The following HERC2 variants were observed in gnomAD, a reference collection of about 807,000 sequenced individuals.
The protein encoded by HERC2 is E3 ubiquitin-protein ligase HERC2.
Under a neutral mutation model 537.7 loss-of-function variants are expected in HERC2, and 102 were observed. That is an observed-to-expected ratio of 0.19 (90% confidence interval 0.16 to 0.22). The LOEUF (loss-of-function observed/expected upper bound fraction) is 0.22. Ranked by LOEUF, HERC2 falls within the 10% of genes least tolerant of loss-of-function variation. The pLI, the probability that HERC2 is intolerant of heterozygous loss-of-function variation, is 1.00. For synonymous variants in HERC2, 2,224 were observed against 2,466.2 expected, an observed-to-expected ratio of 0.90 and a Z score of 2.91; for missense variants, 4,236 against 6,198.2, an observed-to-expected ratio of 0.68 and a Z score of 10.63.
In HERC2 at chr15:28,115,519, G is replaced by A; in HGVS notation, c.13632C>T (p.Ile4544=). ...TGAGGCTCAGGGGACTCCCGGTTCG[G>A]ATGGCAATGCCCAGCAACACACCTG... ...RFLGVLLGIA[I]RTGSPLSLNL... is the part of the protein sequence containing the mutation. Residue 4544 remains isoleucine (I), a synonymous_variant, in exon 89 of 93, where the codon ATC becomes ATT. Coordinates refer to ENST00000261609, the MANE Select transcript of HERC2 (RefSeq NM_004667.6). 6.2e-6 allele frequency: 10 copies of A among 1,613,982 alleles called. No individual in the cohort carries two copies. Among genetic ancestry groups the A allele is most frequent in the Non-Finnish European group, 8.5e-6 (10 of 1,179,926 alleles).
chr15:28,187,745 T>C (rs1896449664), intron 55 of HERC2, among the ~76,000 whole-genome samples: 1 of 152,260 alleles, frequency 6.6e-6, no homozygotes, highest in Admixed American at 6.5e-5. Flanking sequence ...GATTATGTCA[T>C]GTCATTTTAT....
In HERC2 at chr15:28,111,384, C is replaced by T. The variant is rs1402783389; in HGVS notation, c.*379G>A. ...TATTTCCAATATACAATCAAGACGACTCACGACACTTGAAAGAAAGGAGAA... is the reference window on the plus strand; with the variant it reads ...TATTTCCAATATACAATCAAGACGATTCACGACACTTGAAAGAAAGGAGAA... On this transcript the variant is annotated 3_prime_UTR_variant, in exon 93 of 93. Coordinates refer to ENST00000261609, the MANE Select transcript of HERC2 (RefSeq NM_004667.6). 1 of 224,602 alleles carries T rather than the reference C, an allele frequency of 4.5e-6. No individual in the cohort carries two copies. Among genetic ancestry groups the T allele is most frequent in the South Asian group, 1.5e-4 (1 of 6,452 alleles). The allele number at this position is 224,602 out of a possible 1,614,324, so 13.9% of individuals were successfully genotyped here.
intron 2 of HERC2, among the ~76,000 whole-genome samples, chr15:28,316,628 T>C (rs2141313782): frequency 6.6e-6 from 1 of 152,330 alleles, no homozygotes; most frequent in East Asian, 1.9e-4. Flanking sequence ...AAAACCACCC[T>C]TAGAATCCAG....
Position 28,245,317 on chromosome 15 carries a change from C to T in HERC2, c.3577+564G>A, listed in dbSNP as rs1403678977. ...ATCCCAGCGCTTTGGGAGGCAGAGG[C>T]GGGTGGATCACTTGAGGTCAGGAGT... On this transcript the variant is annotated intron_variant, in intron 23 of 92. Transcript: ENST00000261609. Among the ~76,000 whole-genome samples the T allele has an allele frequency of 2.6e-5, 4 of 151,968 alleles. No individual in the cohort carries two copies. In the East Asian group the frequency reaches 7.7e-4, roughly 29 times the overall value.
intron 69 of HERC2, among the ~76,000 whole-genome samples, chr15:28,157,963 A>T (rs1893185799): frequency 2.6e-5 from 4 of 152,172 alleles, no homozygotes; most frequent in Non-Finnish European, 5.9e-5. Context: ...TTGGTTTCAA[A>T]GAACAACTTT....
At chr15:28,157,264 G>A (rs552273130) in intron 69 of HERC2, among the ~76,000 whole-genome samples, 1 of 152,326 alleles carries the variant, frequency 6.6e-6, no homozygotes, top group Admixed American at 6.5e-5. Context: ...CTCATAAAAT[G>A]AGTTAGGGAG....
chr15:28,317,410 A>G (rs943843645), intron 2 of HERC2, among the ~76,000 whole-genome samples: 11 of 152,200 alleles, frequency 7.2e-5, no homozygotes, highest in Non-Finnish European at 1.3e-4. Context: ...ATTTATATAC[A>G]ATAAGCTTAA....
intron 89 of HERC2, 133 bp from the exon 90 acceptor site, chr15:28,114,935 T>C (rs7497014): frequency 0.97 from 641,701 of 659,028 alleles, 313,075 homozygotes; most frequent in Non-Finnish European, 0.99. Context: ...TGCAAGTGCA[T>C]GGCACACACC....
intron 70 of HERC2, among the ~76,000 whole-genome samples, chr15:28,151,150 C>A (rs1892404773): frequency 6.6e-6 from 1 of 152,092 alleles, no homozygotes; most frequent in African/African-American, 2.4e-5. Flanking sequence ...GAAATTATAT[C>A]CTAAGTCTGT....
In HERC2 at chr15:28,196,480, T is replaced by C; in HGVS notation, c.8101A>G (p.Ser2701Gly). The C allele has an allele frequency of 1.2e-6, 2 of 1,612,956 alleles. No individual in the cohort carries two copies. The highest frequency in any genetic ancestry group is 1.1e-5 in the South Asian group (1 of 90,988). The change falls in exon 51 of 93, where the codon AGT becomes GGT. Residue 2701 changes from serine to glycine, a missense_variant. Ser to Gly is a moderately conservative substitution (Grantham distance 56). Coordinates refer to ENST00000261609, the MANE Select transcript of HERC2 (RefSeq NM_004667.6). ...ACTCACGTAACCCCAGGATGAATAC[T>C]GGGTACCAACTCCATTTCTGATAGC... Reference protein sequence around the residue: ...GLLSEMELVPSIHPGVTCDGC... With the variant: ...GLLSEMELVPGIHPGVTCDGC...
chr15:28,191,193 T>C lies in HERC2; in HGVS notation c.8503A>G (p.Met2835Val). 4 of 1,613,976 alleles carry C rather than the reference T, an allele frequency of 2.5e-6. No individual in the cohort carries two copies. The highest frequency in any genetic ancestry group is 3.4e-6 in the Non-Finnish European group (4 of 1,179,896). ...CTACTGTCAGCAGGATCTACGATCA[T>C]TTTTAATCTATGAACAAGAACATCT... Reference protein sequence around the residue: ...FPDVLVHRLKMIVDPADSSYM... With the variant: ...FPDVLVHRLKVIVDPADSSYM... Residue 2835 changes from methionine (M) to valine (V), a missense_variant, in exon 54 of 93, where the codon ATG becomes GTG. Coordinates refer to ENST00000261609, the MANE Select transcript of HERC2 (RefSeq NM_004667.6).
At chr15:28,132,886 C>A (rs1387396634) in intron 79 of HERC2, 56 bp from the exon 80 acceptor site, 1 of 1,349,886 alleles carries the variant, frequency 7.4e-7, no homozygotes, top group South Asian at 1.7e-5. Flanking sequence ...AAACATTTTT[C>A]AGTGTATTAA....
At chr15:28,119,399 C>CAAAAAAAAAAAA (rs201078187) in intron 86 of HERC2, among the ~76,000 whole-genome samples, 1 of 133,926 alleles carries the variant, frequency 7.5e-6, no homozygotes. Flanking sequence ...GACTCCCTCT[C>CAAAAAAAAAAAA]AAAAAAAAAA....
rs2075457916 is a variant in HERC2 at position 28,263,103 on chromosome 15, T to C, written c.1937A>G (p.Lys646Arg). The C allele has an allele frequency of 6.2e-7, 1 of 1,614,086 alleles. No homozygotes were observed. The highest frequency in any genetic ancestry group is 1.1e-5 in the South Asian group (1 of 91,086). The change falls in exon 15 of 93, where the codon AAA becomes AGA. Residue 646 changes from lysine to arginine, a missense_variant. Physicochemically the swap from Lys to Arg is conservative, Grantham distance 26. Coordinates refer to ENST00000261609, the MANE Select transcript of HERC2 (RefSeq NM_004667.6). ...KLGRGGSDGC[K>R]TPKLIEKLQD... ...AAGCTTTTCAATCAGCTTTGGGGTT[T>C]TGCAGCCATCACTACCACCTCTGCC...
chr15:28,236,376 C>T (rs1233148499), intron 26 of HERC2, among the ~76,000 whole-genome samples: 2 of 151,720 alleles, frequency 1.3e-5, no homozygotes, highest in South Asian at 2.1e-4. Context: ...CTGCAACCTC[C>T]GTCTCCTGGG....
At chr15:28,166,191 T>C (rs1894120455) in intron 68 of HERC2, among the ~76,000 whole-genome samples, 1 of 152,212 alleles carries the variant, frequency 6.6e-6, no homozygotes, top group Non-Finnish European at 1.5e-5. Context: ...AATATTGCTA[T>C]AATATCCAAA....
chr15:28,309,987 G>C (rs1295188390), intron 2 of HERC2, among the ~76,000 whole-genome samples: 3 of 152,202 alleles, frequency 2.0e-5, no homozygotes, highest in Non-Finnish European at 4.4e-5. Context: ...ATCAGCTGGT[G>C]GGGGAGAGGT....
At chr15:28,271,532 G>A (rs2075728338) in intron 9 of HERC2, among the ~76,000 whole-genome samples, 1 of 152,072 alleles carries the variant, frequency 6.6e-6, no homozygotes. Context: ...AGCTGGGCTT[G>A]GTGGTGGGCG....
At chr15:28,314,348 A>G (rs933180813) in intron 2 of HERC2, among the ~76,000 whole-genome samples, 3 of 152,210 alleles carry the variant, frequency 2.0e-5, no homozygotes, top group Admixed American at 2.0e-4. Context: ...AGCAGATGTC[A>G]GCTCGGAACA....
Sources: allele counts gnomAD v4.1 joint callset (sites outside exome capture counted in the v4.1 genomes callset), GRCh38; gene constraint gnomAD v4.1.1; transcripts MANE v1.5; gene names NCBI Gene and HGNC (gene_info 2026-07-23, HGNC 2026-07-21).